SHOC2: variants seen among roughly 807,000 people sequenced by gnomAD.
SHOC2 encodes SHOC2 leucine rich repeat scaffold protein.
In SHOC2, 4 loss-of-function variants were observed where a neutral mutation model predicts 50.2. That is an observed-to-expected ratio of 0.08 (90% CI 0.04 to 0.18). The LOEUF is 0.18. SHOC2 is among the 10% of genes least tolerant of loss of function. The probability of loss-of-function intolerance (pLI) is 1.00; values close to 1 mark genes in which losing one functional copy is unlikely to be tolerated. For synonymous variants in SHOC2, 218 were observed against 244.5 expected, an observed-to-expected ratio of 0.89 and a Z score of 1.01; for missense variants, 388 against 669.6, an observed-to-expected ratio of 0.58 and a Z score of 4.64.
At chr10:110,937,495 A>G (rs541799678) in intron 1 of SHOC2, among the ~76,000 whole-genome samples, 17 of 152,042 alleles carry the variant, frequency 1.1e-4, no homozygotes, top group Non-Finnish European at 1.5e-5. Context: ...CTCATATGTT[A>G]TGGTTAGGGA....
intron 1 of SHOC2, among the ~76,000 whole-genome samples, chr10:110,924,068 T>C (rs1164303093): frequency 6.6e-6 from 1 of 152,202 alleles, no homozygotes; most frequent in African/African-American, 2.4e-5. Context: ...TCTTCCTGCT[T>C]TCAGTACTTT....
intron 1 of SHOC2, among the ~76,000 whole-genome samples, chr10:110,930,150 A>G (rs1306188354): frequency 2.6e-5 from 4 of 152,240 alleles, no homozygotes; most frequent in Non-Finnish European, 4.4e-5. Context: ...GTTCTATTTA[A>G]TAAACCAAAC....
At chr10:110,938,356 C>T (rs929166889) in intron 1 of SHOC2, among the ~76,000 whole-genome samples, 1 of 152,136 alleles carries the variant, frequency 6.6e-6, no homozygotes, top group East Asian at 1.9e-4. Flanking sequence ...AACAGCTTCA[C>T]AGAAAATTTT....
chr10:110,962,981 CA>C lies in SHOC2; in HGVS notation c.-234-1143del, dbSNP rs367836353. ...ACAAGCTTGTATACAGAGAGGTTCACATCCTATAAAAATAAATTATTAGCAG... is the reference window on the plus strand; with the variant it reads ...ACAAGCTTGTATACAGAGAGGTTCACTCCTATAAAAATAAATTATTAGCAG... On this transcript the variant is annotated intron_variant, in intron 1 of 8. Coordinates refer to ENST00000369452, the MANE Select transcript of SHOC2 (RefSeq NM_007373.4). 3.2e-3 allele frequency among the ~76,000 whole-genome samples: 485 copies of C among 152,302 alleles called. 25 individuals carry two copies. The South Asian group carries it at 0.092, about 29-fold the overall frequency.
In SHOC2 at chr10:110,987,139, A is replaced by G. The variant is rs1285609953; in HGVS notation, c.841+1374A>G. ...ATCTTCCAGTTAGGGCTGTGTTCTT[A>G]GGACAGAATTATCTCCATTGTTTTG... On this transcript the variant is annotated intron_variant, in intron 3 of 8. Coordinates refer to ENST00000369452, the MANE Select transcript of SHOC2 (RefSeq NM_007373.4). Among the ~76,000 whole-genome samples, 5 of 152,182 alleles carry G rather than the reference A, an allele frequency of 3.3e-5. No homozygotes were observed. The East Asian group carries it at 9.6e-4, about 29-fold the overall frequency.
At chr10:111,005,487 A>G (rs1848450484) in intron 5 of SHOC2, among the ~76,000 whole-genome samples, 1 of 152,214 alleles carries the variant, frequency 6.6e-6, no homozygotes, top group Non-Finnish European at 1.5e-5. Context: ...CATTTTATCA[A>G]GTGGAAGAAA....
rs1219650171 is a variant in SHOC2, at chr10:111,011,773, C to A, written c.1704C>A (p.Ile568=). 6.2e-7 allele frequency: 1 copy of A among 1,613,990 alleles called. No individual in the cohort carries two copies. Among genetic ancestry groups the A allele is most frequent in the African/African-American group, 1.3e-5 (1 of 75,000 alleles). The change falls in exon 9 of 9, where the codon ATC becomes ATA. Residue 568 remains isoleucine (I), a synonymous_variant. Transcript: ENST00000369452. ...PQIVAGGPSF[I]IQFLKMQGPY... ...TTGTTGCTGGGGGGCCTTCTTTCATCATTCAGTTCTTAAAGATGCAGGGTC... is the reference window on the plus strand; with the variant it reads ...TTGTTGCTGGGGGGCCTTCTTTCATAATTCAGTTCTTAAAGATGCAGGGTC...
chr10:110,962,023 G>A (rs1847581300), intron 1 of SHOC2, among the ~76,000 whole-genome samples: 1 of 151,890 alleles, frequency 6.6e-6, no homozygotes, highest in Non-Finnish European at 1.5e-5. Context: ...GATGGAGCCT[G>A]GGAATTTGTA....
In SHOC2 at chr10:111,011,974, A is replaced by T. The variant is rs1297359330; in HGVS notation, c.*156A>T. 7 of 663,694 alleles carry T rather than the reference A, an allele frequency of 1.1e-5. No individual in the cohort carries two copies. The highest frequency in any genetic ancestry group is 2.8e-5 in the Admixed American group (1 of 35,238). The allele number at this position is 663,694 out of a possible 1,614,324, so 41.1% of individuals were successfully genotyped here. A position where few individuals can be genotyped will look rare whatever the true frequency, so the allele number is the denominator to read the frequency against. On this transcript the variant is annotated 3_prime_UTR_variant, in exon 9 of 9. Transcript: ENST00000369452. Reference sequence around the variant, plus strand: ...AATAGAGGAATCATAGCCATTTAGAATTTTTTTTAAATTCTGTACAAAAGG... The same window carrying T: ...AATAGAGGAATCATAGCCATTTAGATTTTTTTTTAAATTCTGTACAAAAGG...
At chr10:110,941,491 C>A (rs1284367602) in intron 1 of SHOC2, among the ~76,000 whole-genome samples, 1 of 151,998 alleles carries the variant, frequency 6.6e-6, no homozygotes, top group East Asian at 1.9e-4. Context: ...GCCACCATGC[C>A]TGGCTAATTT....
At chr10:110,953,081 C>A (rs1331052441) in intron 1 of SHOC2, among the ~76,000 whole-genome samples, 1 of 152,174 alleles carries the variant, frequency 6.6e-6, no homozygotes. Flanking sequence ...GCTATATACC[C>A]AGTAATGGGA....
At chr10:110,995,589 CTA>C (rs1228071293) in intron 3 of SHOC2, among the ~76,000 whole-genome samples, 2 of 152,322 alleles carry the variant, frequency 1.3e-5, no homozygotes, top group African/African-American at 4.8e-5. Flanking sequence ...GATTCACCAA[CTA>C]GCTGGTGACT....
At chr10:110,945,030 G>A (rs1847220927) in intron 1 of SHOC2, among the ~76,000 whole-genome samples, 1 of 152,230 alleles carries the variant, frequency 6.6e-6, no homozygotes, top group Non-Finnish European at 1.5e-5. Context: ...TGACCTTCTA[G>A]ATTCCCAGTA....
intron 1 of SHOC2, among the ~76,000 whole-genome samples, chr10:110,937,437 G>C (rs1270313062): frequency 2.0e-5 from 3 of 152,172 alleles, no homozygotes; most frequent in Non-Finnish European, 4.4e-5. Flanking sequence ...TCCCTGGCTT[G>C]AGCTCTTCTA....
chr10:110,936,458 A>G (rs531109953), intron 1 of SHOC2, among the ~76,000 whole-genome samples: 133 of 152,036 alleles, frequency 8.7e-4, no homozygotes, highest in African/African-American at 3.1e-3. Flanking sequence ...TAAGATAGTA[A>G]TGTTTTTTGC....
rs1469520257 is a variant in SHOC2 at position 110,999,377 on chromosome 10, C to T, written c.842-1038C>T. 2.0e-5 allele frequency among the ~76,000 whole-genome samples: 3 copies of T among 152,056 alleles called. No homozygotes were observed. In the East Asian group the frequency reaches 5.8e-4, roughly 29 times the overall value. ...ATTTGAGTTGAACCATATATGATAG[C>T]AGATGTCATTATATTCATCATTCAT... is the stretch of plus-strand genomic sequence containing the variant. On this transcript the variant is annotated intron_variant, in intron 3 of 8. Transcript: ENST00000369452.
chr10:110,962,170 G>A (rs1224195702), intron 1 of SHOC2, among the ~76,000 whole-genome samples: 1 of 151,810 alleles, frequency 6.6e-6, no homozygotes, highest in African/African-American at 2.4e-5. Flanking sequence ...CTTAATATAT[G>A]TGATTTTACA....
At position 110,959,619 on chromosome 10, in the gene SHOC2, A is replaced by T. The variant is rs570499287; in HGVS notation, c.-234-4506A>T. ...TAGAATCACCTGGAAAACTCTTTAA[A>T]CATACAGCTTACTGTTCCCTACCAC... On this transcript the variant is annotated intron_variant, in intron 1 of 8. Transcript: ENST00000369452. Among the ~76,000 whole-genome samples the T allele has an allele frequency of 2.0e-4, 30 of 152,340 alleles. No homozygotes were observed. In the South Asian group the frequency reaches 5.6e-3, roughly 28 times the overall value.
chr10:110,956,918 T>C (rs970986244), intron 1 of SHOC2, among the ~76,000 whole-genome samples: 2 of 152,206 alleles, frequency 1.3e-5, no homozygotes, highest in African/African-American at 4.8e-5. Flanking sequence ...TAGCTATATT[T>C]GTAGCCTCTT....
Sources: gnomAD v4.1 joint callset for allele counts (sites outside exome capture counted in the v4.1 genomes callset) on GRCh38, gnomAD v4.1.1 for gene constraint, MANE v1.5 for transcripts, NCBI Gene and HGNC (gene_info 2026-07-23, HGNC 2026-07-21) for gene names.